Variants in BSN observed in about 807,000 individuals in gnomAD.
BSN encodes the protein protein bassoon.
A neutral mutation model predicts 264.8 loss-of-function variants in BSN; 57 were observed. The ratio of observed to expected loss-of-function variants is 0.22; its 90% confidence interval spans 0.17 to 0.27. The LOEUF (loss-of-function observed/expected upper bound fraction) is 0.27. Among genes scored for constraint, BSN ranks in the 10% least tolerant of loss-of-function variants. BSN has a pLI of 1.00. For synonymous variants in BSN, 2,059 were observed against 2,137.3 expected, an observed-to-expected ratio of 0.96 and a Z score of 1.01; for missense variants, 4,615 against 5,232.5, an observed-to-expected ratio of 0.88 and a Z score of 3.64.
chr3:49,627,093 T>A (rs983082735), intron 2 of BSN, among the ~76,000 whole-genome samples: 1 of 152,200 alleles, frequency 6.6e-6, no homozygotes, highest in Admixed American at 6.5e-5. Context: ...TCCATAGTGT[T>A]TGGTGAAGAG....
Position 49,655,353 on chromosome 3 carries a change from C to T in BSN, c.5797C>T (p.Pro1933Ser), listed in dbSNP as rs777197305. The T allele has an allele frequency of 4.4e-6, 7 of 1,597,416 alleles. No individual in the cohort carries two copies. The African/African-American group carries it at 5.4e-5, about 12-fold the overall frequency. The stretch of plus-strand genomic sequence containing the variant: ...TGAGAAGAGCATGGCAGATGCTGCC[C>T]CACCTGGCCAAAGCAGCAGCCCCTT... Reference protein sequence around the residue: ...VPEKSMADAAPPGQSSSPFYG... With the variant: ...VPEKSMADAASPGQSSSPFYG... The change falls in exon 5 of 12, where the codon CCA (proline) becomes TCA (serine). Residue 1933 changes from proline to serine, a missense_variant. Coordinates refer to ENST00000296452, the MANE Select transcript of BSN (RefSeq NM_003458.4).
chr3:49,633,217 G>A (rs12497288), intron 2 of BSN, among the ~76,000 whole-genome samples: 75,432 of 151,078 alleles, frequency 0.5, 20,331 homozygotes, highest in East Asian at 0.94. Flanking sequence ...CAGGAGAATC[G>A]CTTGAACCTA....
intron 8 of BSN, 71 bp from the exon 9 acceptor site, chr3:49,664,348 CGTGG>C: frequency 6.3e-7 from 1 of 1,591,544 alleles, no homozygotes; most frequent in Non-Finnish European, 8.6e-7. Context: ...CAGATTCTCT[CGTGG>C]GTACTTGCCC....
At position 49,656,365 on chromosome 3, in the gene BSN, C is replaced by T. The variant is rs1459375246; in HGVS notation, c.6809C>T (p.Ala2270Val). 1 of 1,602,170 alleles carries T rather than the reference C, an allele frequency of 6.2e-7. No homozygotes were observed. The highest frequency in any genetic ancestry group is 1.1e-5 in the South Asian group (1 of 89,192). Residue 2270 changes from alanine to valine, a missense_variant, in exon 5 of 12, where the codon GCT (alanine) becomes GTT (valine). By Grantham distance (64) the Ala-to-Val change is moderately conservative. Around this residue, in one of 3 missense-constraint regions of BSN, gnomAD observed 3,415 missense variants for 3,866.4 expected, o/e 0.88. Coordinates refer to ENST00000296452, the MANE Select transcript of BSN (RefSeq NM_003458.4). ...CCTGCACCAAGTAGATTTCCCATTG[C>T]TTCCAGTGTTCCACCTGCAGAAGGG... ...RYPAPSRFPI[A>V]SSVPPAEGPV...
At chr3:49,626,123 G>A (rs776606003) in intron 2 of BSN, among the ~76,000 whole-genome samples, 1 of 152,214 alleles carries the variant, frequency 6.6e-6, no homozygotes, top group Non-Finnish European at 1.5e-5. Flanking sequence ...GCCTGGCTTT[G>A]TTCAGGATGC....
At chr3:49,590,089 G>A (rs1292118889) in intron 1 of BSN, among the ~76,000 whole-genome samples, 1 of 152,040 alleles carries the variant, frequency 6.6e-6, no homozygotes, top group Non-Finnish European at 1.5e-5. Flanking sequence ...GCCCGCCTCG[G>A]CCTCCTAAAG....
intron 1 of BSN, among the ~76,000 whole-genome samples, chr3:49,605,897 T>TATCTATATATATA (rs1491451068): frequency 0.36 from 18,741 of 52,042 alleles, 2,507 homozygotes; most frequent in South Asian, 0.42. Flanking sequence ...AATATATTTA[T>TATCTATATATATA]GTCTATATAA....
Position 49,653,398 on chromosome 3 carries a change from C to T in BSN, c.3842C>T (p.Ala1281Val), listed in dbSNP as rs763955666. 2.5e-6 allele frequency: 4 copies of T among 1,613,850 alleles called. No individual in the cohort carries two copies. The highest frequency in any genetic ancestry group is 3.4e-6 in the Non-Finnish European group (4 of 1,180,012). The change falls in exon 5 of 12, where the codon GCT becomes GTT. Residue 1281 changes from alanine (A) to valine (V), a missense_variant. Transcript: ENST00000296452. This position sits in a 1 kb window ranked among gnomAD's most constrained non-coding sequence, Gnocchi z 6.3. ...GCCTCCTCACGAGACCTGGCTTTTG[C>T]TGAGGACAAAAAGAAGGAGAAGCAG... The part of the protein sequence containing the change: ...RQASSRDLAF[A>V]EDKKKEKQFL...
chr3:49,632,735 C>T (rs573568198), intron 2 of BSN, among the ~76,000 whole-genome samples: 52 of 151,476 alleles, frequency 3.4e-4, no homozygotes, highest in Non-Finnish European at 6.2e-4. Flanking sequence ...GCCCAGGAGG[C>T]GGAGGTTGCA....
chr3:49,658,862 G>C (rs977318682), intron 5 of BSN, among the ~76,000 whole-genome samples: 1 of 152,242 alleles, frequency 6.6e-6, no homozygotes, highest in Non-Finnish European at 1.5e-5. Flanking sequence ...GGGACTGTGA[G>C]AAGTGGCTTG....
At position 49,651,211 on chromosome 3, in the gene BSN, C is replaced by A; in HGVS notation, c.1986+132C>A. On this transcript the variant is annotated intron_variant, in intron 4 of 11. Transcript: ENST00000296452. The surrounding 1 kb of genome is among the most constrained non-coding windows in gnomAD (Gnocchi z 5.4). ...GGGGCCACACAGGAGGGAAGGGACA[C>A]AGTAGAAGGAAAGTCTAGATGAGGT... The A allele has an allele frequency of 1.1e-6, 1 of 902,366 alleles. No homozygotes were observed. The highest frequency in any genetic ancestry group is 1.6e-6 in the Non-Finnish European group (1 of 615,172). 55.9% of individuals were successfully genotyped at this position (902,366 alleles called of 1,614,324 possible). A position where few individuals can be genotyped will look rare whatever the true frequency, so the allele number is the denominator to read the frequency against.
rs75825324 is a variant in BSN, at chr3:49,654,663, A to G, written c.5107A>G (p.Ile1703Val). ...GAAGTATGGTCTTGCCCTGGATCCA[A>G]TCCCAGGACGGCAGTCGACCGCCGT... ...ARKYGLALDP[I>V]PGRQSTAVQP... The change falls in exon 5 of 12, where the codon ATC becomes GTC. Residue 1703 changes from isoleucine (I) to valine (V), a missense_variant. Physicochemically the swap from Ile to Val is conservative, Grantham distance 29. Transcript: ENST00000296452. This position sits in a 1 kb window ranked among gnomAD's most constrained non-coding sequence, Gnocchi z 4.1. 3.4e-4 allele frequency: 553 copies of G among 1,613,790 alleles called. 4 individuals are homozygous for G. The African/African-American group carries it at 6.4e-3, about 19-fold the overall frequency.
rs541637856 is a variant in BSN, at chr3:49,638,540, C to T, written c.634-3728C>T. On this transcript the variant is annotated intron_variant, in intron 2 of 11. Coordinates refer to ENST00000296452, the MANE Select transcript of BSN (RefSeq NM_003458.4). This position sits in a 1 kb window ranked among gnomAD's most constrained non-coding sequence, Gnocchi z 4.3. ...CCTTAGGAGGCCTTGCATGCTGGGC[C>T]TGAGCCTGGGAGGGGCTGTGGGGAG... Among the ~76,000 whole-genome samples, 7 of 151,088 alleles carry T rather than the reference C, an allele frequency of 4.6e-5. No individual in the cohort carries two copies. In the South Asian group the frequency reaches 1.4e-3, roughly 31 times the overall value.
At chr3:49,582,455 C>T (rs1039850404) in intron 1 of BSN, among the ~76,000 whole-genome samples, 3 of 152,128 alleles carry the variant, frequency 2.0e-5, no homozygotes, top group African/African-American at 7.2e-5. Flanking sequence ...AACTACAGGC[C>T]CAGCTGAAAT....
Position 49,663,186 on chromosome 3 carries a change from C to T in BSN, c.11028C>T (p.Arg3676=). Reference sequence around the variant, plus strand: ...AACCACACGCTCGGGACCTGGGTCGCCATGAGGCCCGGCCCCACTCTCAGC... The same window carrying T: ...AACCACACGCTCGGGACCTGGGTCGTCATGAGGCCCGGCCCCACTCTCAGC... ...AAKPHARDLG[R]HEARPHSQPS... is the part of the protein sequence containing the mutation. Residue 3676 remains arginine (R), a synonymous_variant, in exon 7 of 12, where the codon CGC becomes CGT. Transcript: ENST00000296452. 6.2e-7 allele frequency: 1 copy of T among 1,613,754 alleles called. No homozygotes were observed. The highest frequency in any genetic ancestry group is 1.1e-5 in the South Asian group (1 of 91,090).
chr3:49,604,732 A>T (rs1026456872), intron 1 of BSN, among the ~76,000 whole-genome samples: 1 of 152,110 alleles, frequency 6.6e-6, no homozygotes, highest in East Asian at 1.9e-4. Flanking sequence ...ACTGGACAAG[A>T]TGCTGAGGTT....
intron 2 of BSN, among the ~76,000 whole-genome samples, chr3:49,637,508 C>A (rs1217882531): frequency 6.6e-6 from 1 of 152,184 alleles, no homozygotes; most frequent in East Asian, 1.9e-4. Context: ...CAGGGAGTGA[C>A]CATTGCAGAC....
chr3:49,563,077 A>G (rs1279028952), intron 1 of BSN, among the ~76,000 whole-genome samples: 1 of 152,178 alleles, frequency 6.6e-6, no homozygotes, highest in Non-Finnish European at 1.5e-5. Flanking sequence ...CAAGGTCTAA[A>G]TCAAAAGTAC....
intron 1 of BSN, among the ~76,000 whole-genome samples, chr3:49,577,063 T>C (rs2051850043): frequency 6.6e-6 from 1 of 152,228 alleles, no homozygotes; most frequent in African/African-American, 2.4e-5. Context: ...CAGGGCACGA[T>C]AGTGCTTGGA....
Sources: gnomAD v4.1 joint callset for allele counts (sites outside exome capture counted in the v4.1 genomes callset) on GRCh38, gnomAD v4.1.1 for gene constraint, gnomAD v4.1.1 regional missense constraint, Gnocchi (gnomAD v3.1) non-coding constraint, MANE v1.5 for transcripts, NCBI Gene and HGNC (gene_info 2026-07-23, HGNC 2026-07-21) for gene names.